ZNF577: variants seen among roughly 807,000 people sequenced by gnomAD.
ZNF577 encodes the protein zinc finger protein 577.
A neutral mutation model predicts 13.9 loss-of-function variants in ZNF577; 14 were observed. The ratio of observed to expected loss-of-function variants is 1.00; its 90% CI spans 0.66 to 1.57. ZNF577 has a LOEUF of 1.57. ZNF577 is among the 40% of genes most tolerant of loss of function. ZNF577 has a pLI of 0.00. For missense variants in ZNF577, 555 were observed against 579.2 expected (o/e 0.96, Z 0.43); for synonymous variants, 203 against 202.9 (o/e 1.00, Z 0.00).
At chr19:51,839,749 C>T (rs2084309522) in intron 9 of ZNF577, 1 of 152,262 alleles carries the variant, frequency 6.6e-6, no homozygotes, top group African/African-American at 2.4e-5. Context: ...TGCTCCAATC[C>T]AGACCACAGA....
intron 5 of ZNF577, among the ~76,000 whole-genome samples, chr19:51,858,120 T>A (rs979330885): frequency 6.6e-6 from 1 of 152,172 alleles, no homozygotes; most frequent in Non-Finnish European, 1.5e-5. Flanking sequence ...GCACCCAACA[T>A]GGTCCTCAAT....
intron 10 of ZNF577, among the ~76,000 whole-genome samples, chr19:51,805,762 T>C (rs2084054713): frequency 6.6e-6 from 1 of 152,130 alleles, no homozygotes; most frequent in African/African-American, 2.4e-5. Flanking sequence ...ACAGAGGACA[T>C]CACAACAGAA....
intron 5 of ZNF577, 26 bp from the exon 6 acceptor site, chr19:51,873,732 A>C (rs749796494): frequency 7.2e-6 from 11 of 1,534,846 alleles, no homozygotes; most frequent in Non-Finnish European, 9.7e-6. Flanking sequence ...AACTTTTACA[A>C]TGCGAGCCAA....
rs80177388 is a variant in ZNF577, at chr19:51,845,942, A to G, written c.284-1011T>C. 4.5e-3 allele frequency among the ~76,000 whole-genome samples: 686 copies of G among 152,300 alleles called. 5 individuals are homozygous for G. Among genetic ancestry groups the G allele is most frequent in the African/African-American group, 0.015 (616 of 41,540 alleles). On this transcript the variant is annotated intron_variant and NMD_transcript_variant, in intron 5 of 10. Transcript: ENST00000638827. Reference sequence around the variant, plus strand: ...CTGCAATGAACATGGGAGTGCAGCTATATCTGCAAAGTGCTGATTTCATTT... The same window carrying G: ...CTGCAATGAACATGGGAGTGCAGCTGTATCTGCAAAGTGCTGATTTCATTT...
exon 11 of ZNF577, chr19:51,804,948 A>T (rs2084048269): frequency 6.6e-6 from 1 of 152,280 alleles, no homozygotes; most frequent in East Asian, 1.9e-4. Context: ...GTTGGTCCAG[A>T]GTAGGCTTGC....
chr19:51,827,631 C>G (rs1203442461), intron 9 of ZNF577, among the ~76,000 whole-genome samples: 3 of 152,172 alleles, frequency 2.0e-5, no homozygotes, highest in Non-Finnish European at 2.9e-5. Context: ...TCCTCATGTC[C>G]ACAGTATTTG....
chr19:51,847,118 T>C (rs1371864906), intron 5 of ZNF577, among the ~76,000 whole-genome samples: 2 of 152,206 alleles, frequency 1.3e-5, no homozygotes, highest in African/African-American at 4.8e-5. Flanking sequence ...TTCAAGTGTA[T>C]ACAAACACTC....
chr19:51,848,746 T>C (rs1186216435), intron 5 of ZNF577, among the ~76,000 whole-genome samples: 1 of 152,088 alleles, frequency 6.6e-6, no homozygotes, highest in African/African-American at 2.4e-5. Flanking sequence ...GATGCAGGAG[T>C]CAACTTCCTT....
intron 1 of ZNF577, chr19:51,886,354 T>C (rs2084946626): frequency 6.6e-6 from 1 of 152,236 alleles, no homozygotes; most frequent in South Asian, 2.1e-4. Context: ...TCACATCTAA[T>C]TTTGTTTTAT....
intron 9 of ZNF577, among the ~76,000 whole-genome samples, chr19:51,823,185 T>C (rs2084203541): frequency 6.6e-6 from 1 of 152,158 alleles, no homozygotes; most frequent in East Asian, 1.9e-4. Flanking sequence ...TATATGTCTA[T>C]ATATTACAAG....
In ZNF577 at chr19:51,824,054, T is replaced by C. The variant is rs201037671; in HGVS notation, c.*600-12380A>G. The C allele has an allele frequency of 3.7e-5, 60 of 1,614,088 alleles. No individual in the cohort carries two copies. In the Middle Eastern group the frequency reaches 1.2e-3, roughly 31 times the overall value. Reference sequence around the variant, plus strand: ...GCTCATTCCTATGTAAGTTAGTTCATGTTATGATAGACATCAACCTGTTTG... The same window carrying C: ...GCTCATTCCTATGTAAGTTAGTTCACGTTATGATAGACATCAACCTGTTTG... On this transcript the variant is annotated intron_variant and NMD_transcript_variant, in intron 9 of 10. Coordinates refer to the ZNF577 transcript ENST00000638827. The surrounding 1 kb of genome is among the most constrained non-coding windows in gnomAD (Gnocchi z 4.7).
chr19:51,873,093 T>C lies in ZNF577; in HGVS notation c.897A>G (p.Lys299=), dbSNP rs755233153. 43 of 1,614,098 alleles carry C rather than the reference T, an allele frequency of 2.7e-5. 1 individual carries two copies. Among genetic ancestry groups the C allele is most frequent in the Non-Finnish European group, 3.6e-5 (43 of 1,180,054 alleles). ...AGAAGGTTCTTCCACAATCACTGCA[T>C]TTATAAGGCTTATCTCCTGTGTGAA... ...QRLHTGDKPY[K]CSDCGRTFYF... is the part of the protein sequence containing the mutation. The change falls in exon 6 of 6, where the codon AAA becomes AAG. Residue 299 remains lysine (K), a synonymous_variant. Transcript: ENST00000638348.
At position 51,824,539 on chromosome 19, in the gene ZNF577, T is replaced by C. The variant is rs1447211262; in HGVS notation, c.*600-12865A>G. On this transcript the variant is annotated intron_variant and NMD_transcript_variant, in intron 9 of 10. Transcript: ENST00000638827. This position sits in a 1 kb window ranked among gnomAD's most constrained non-coding sequence, Gnocchi z 4.7. The stretch of plus-strand genomic sequence containing the variant: ...CCTTATGAACTAATTGGCATTCTAA[T>C]GGCAGTCTGGCTCAAAGAGATGTTG... 10 of 1,614,036 alleles carry C rather than the reference T, an allele frequency of 6.2e-6. No individual in the cohort carries two copies. The highest frequency in any genetic ancestry group is 3.3e-5 in the Admixed American group (2 of 60,010).
In ZNF577 at chr19:51,880,765, A is replaced by G. The variant is rs2084849531; in HGVS notation, c.-106T>C. On this transcript the variant is annotated 5_prime_UTR_variant, in exon 2 of 6. Transcript: ENST00000638348. ...TCTGTCTATTCTGGGCCTTCCCAGA[A>G]GTGGTGGTCAGGTATCATCTCAGGT... 1 of 189,176 alleles carries G rather than the reference A, an allele frequency of 5.3e-6. No homozygotes were observed. The highest frequency in any genetic ancestry group is 1.1e-5 in the Non-Finnish European group (1 of 90,924). The allele number at this position is 189,176 out of a possible 1,614,324, so 11.7% of individuals were successfully genotyped here. A position where few individuals can be genotyped will look rare whatever the true frequency, so the allele number is the denominator to read the frequency against.
At chr19:51,859,148 T>C (rs769791857) in intron 5 of ZNF577, among the ~76,000 whole-genome samples, 4 of 152,220 alleles carry the variant, frequency 2.6e-5, no homozygotes, top group South Asian at 2.1e-4. Context: ...GGCTCATTCA[T>C]GCAACATGTC....
At position 51,876,994 on chromosome 19, in the gene ZNF577, AGG is replaced by A. The variant is rs1357446490; in HGVS notation, c.283+286_283+287del. Among the ~76,000 whole-genome samples the A allele has an allele frequency of 3.3e-5, 5 of 152,212 alleles. No homozygotes were observed. In the East Asian group the frequency reaches 9.6e-4, roughly 29 times the overall value. ...AGGGGAATTTCAAAGCAAGTAAGGAAGGGGCAAAAGTCAGGAGCAGGCTGGGA... is the reference window on the plus strand; with the variant it reads ...AGGGGAATTTCAAAGCAAGTAAGGAAGGCAAAAGTCAGGAGCAGGCTGGGA... On this transcript the variant is annotated intron_variant, in intron 5 of 5. Coordinates refer to ENST00000638348, the MANE Select transcript of ZNF577 (RefSeq NM_001370449.1).
rs375474500 is a variant in ZNF577 at position 51,826,559 on chromosome 19, C to T, written c.*599+13334G>A. ...TTCAAGGAATTTGGCCATTTCATCC[C>T]AATTACCAAACTTTTGTAATCACCC... On this transcript the variant is annotated intron_variant and NMD_transcript_variant, in intron 9 of 10. Transcript: ENST00000638827. Among the ~76,000 whole-genome samples, 22 of 152,250 alleles carry T rather than the reference C, an allele frequency of 1.4e-4. No homozygotes were observed. The East Asian group carries it at 2.3e-3, about 16-fold the overall frequency.
At chr19:51,842,646 T>C (rs2084327423) in intron 8 of ZNF577, among the ~76,000 whole-genome samples, 2 of 152,180 alleles carry the variant, frequency 1.3e-5, no homozygotes, top group African/African-American at 4.8e-5. Flanking sequence ...CTATGACAGA[T>C]AGTAAGAGGA....
At chr19:51,854,003 T>C (rs1373186222) in intron 5 of ZNF577, among the ~76,000 whole-genome samples, 1 of 151,266 alleles carries the variant, frequency 6.6e-6, no homozygotes, top group Non-Finnish European at 1.5e-5. Context: ...TTAACATTTA[T>C]TGAATCTATG....
Sources: gnomAD v4.1 joint callset for allele counts (sites outside exome capture counted in the v4.1 genomes callset) on GRCh38, gnomAD v4.1.1 for gene constraint, Gnocchi (gnomAD v3.1) non-coding constraint, MANE v1.5 for transcripts, NCBI Gene and HGNC (gene_info 2026-07-23, HGNC 2026-07-21) for gene names.